BRWD3: variants seen among roughly 807,000 people sequenced by gnomAD.
The protein encoded by BRWD3 is bromodomain and WD repeat domain containing 3.
BRWD3 carries 10 observed loss-of-function variants against 149.7 expected under a neutral mutation model. That is an observed-to-expected ratio of 0.07 (90% CI 0.04 to 0.11). The LOEUF is 0.11. BRWD3 is among the 10% of genes least tolerant of loss of function. The probability of loss-of-function intolerance (pLI) is 1.00; values close to 1 mark genes in which losing one functional copy is unlikely to be tolerated. For synonymous variants in BRWD3, 504 were observed against 456.7 expected (o/e 1.10, Z -1.32); for missense variants, 940 against 1,373.2 (o/e 0.68, Z 4.99).
rs752686686 is a variant in BRWD3, at chrX:80,704,714, T to C, written c.2685A>G (p.Glu895=). ...TCTGCTTAGGTTTCTTCTGCCTTTC[T>C]TCTAGGGACTTCAAATTTTCCTCAT... ...SSDEENLKSL[E]ERQKKPKQTR... is the part of the protein sequence containing the mutation. Residue 895 remains glutamate, a synonymous_variant, in exon 23 of 41, where the codon GAA becomes GAG. Coordinates refer to ENST00000373275, the MANE Select transcript of BRWD3 (RefSeq NM_153252.5). The C allele has an allele frequency of 7.4e-6, 9 of 1,209,966 alleles. No homozygotes were observed. The Admixed American group carries it at 1.3e-4, about 18-fold the overall frequency.
chrX:80,792,938 C>T (rs1017972264), intron 5 of BRWD3, among the ~76,000 whole-genome samples: 16 of 108,870 alleles, frequency 1.5e-4, no homozygotes, highest in African/African-American at 5.0e-4. Context: ...CTGAGGCAGG[C>T]GGATCACGAG....
At chrX:80,771,428 G>T (rs1348034539) in intron 6 of BRWD3, among the ~76,000 whole-genome samples, 7 of 111,371 alleles carry the variant, frequency 6.3e-5, no homozygotes, top group Non-Finnish European at 9.4e-5. Context: ...ACAGAACAGA[G>T]CCCTCAGAAA....
intron 28 of BRWD3, among the ~76,000 whole-genome samples, chrX:80,692,688 G>A (rs1481721192): frequency 1.8e-5 from 2 of 111,856 alleles, no homozygotes; most frequent in East Asian, 2.8e-4. Context: ...AATAGAAAAT[G>A]CAAACAACAA....
intron 21 of BRWD3, among the ~76,000 whole-genome samples, chrX:80,708,223 C>T (rs1359059179): frequency 1.8e-5 from 2 of 109,469 alleles, no homozygotes; most frequent in African/African-American, 6.7e-5. Flanking sequence ...TGGTGAAACC[C>T]TGTCTCTACT....
At chrX:80,806,299 T>C (rs2074347854) in intron 4 of BRWD3, among the ~76,000 whole-genome samples, 1 of 111,751 alleles carries the variant, frequency 8.9e-6, no homozygotes, top group African/African-American at 3.2e-5. Flanking sequence ...ATTGAGTATA[T>C]GTAAGAATTA....
intron 11 of BRWD3, among the ~76,000 whole-genome samples, 192 bp downstream of exon 11, chrX:80,733,926 T>C (rs966912568): frequency 4.5e-5 from 5 of 111,661 alleles, no homozygotes; most frequent in Non-Finnish European, 7.5e-5. Context: ...TGACAATCTA[T>C]AGGTAATCTT....
Position 80,746,831 on chromosome X carries a change from G to A in BRWD3, c.431-1102C>T, listed in dbSNP as rs935003511. On this transcript the variant is annotated intron_variant, in intron 6 of 40. Coordinates refer to ENST00000373275, the MANE Select transcript of BRWD3 (RefSeq NM_153252.5). ...CTTTCAACATCTCACAATTTTAAGA[G>A]CAATGAAGTCTTTCTTTCAGGCAAA... 6.7e-6 allele frequency: 5 copies of A among 746,893 alleles called. No individual in the cohort carries two copies. The African/African-American group carries it at 9.3e-5, about 14-fold the overall frequency. The allele number at this position is 746,893 out of a possible 1,213,427, so 61.6% of individuals were successfully genotyped here. A position where few individuals can be genotyped will look rare whatever the true frequency, so the allele number is the denominator to read the frequency against.
chrX:80,782,012 A>C (rs1372417149), intron 6 of BRWD3, among the ~76,000 whole-genome samples: 1 of 111,901 alleles, frequency 8.9e-6, no homozygotes, highest in African/African-American at 3.2e-5. Context: ...ATAATCCTAA[A>C]ATGTATATGG....
Position 80,684,110 on chromosome X carries a change from G to A in BRWD3, c.4133C>T (p.Thr1378Ile), listed in dbSNP as rs1231432177. Reference protein sequence around the residue: ...TPVDFSTVKETLEAGNYGSPL... With the variant: ...TPVDFSTVKEILEAGNYGSPL... ...ACTACCATAGTTTCCTGCTTCCAAAGTTTCTTTCACAGTGCTGAAGTCCAC... is the reference window on the plus strand; with the variant it reads ...ACTACCATAGTTTCCTGCTTCCAAAATTTCTTTCACAGTGCTGAAGTCCAC... The change falls in exon 37 of 41, where the codon ACT (threonine) becomes ATT (isoleucine). Residue 1378 changes from threonine (T) to isoleucine (I), a missense_variant. Transcript: ENST00000373275. 1 of 1,206,492 alleles carries A rather than the reference G, an allele frequency of 8.3e-7. No individual in the cohort carries two copies. Among genetic ancestry groups the A allele is most frequent in the Non-Finnish European group, 1.1e-6 (1 of 891,177 alleles).
chrX:80,687,117 T>C, intron 34 of BRWD3, 114 bp from the exon 35 acceptor site: 1 of 488,159 alleles, frequency 2.0e-6, no homozygotes, highest in Non-Finnish European at 3.1e-6. Flanking sequence ...TATATATATA[T>C]ATATATGGCA....
At chrX:80,804,562 C>T (rs1337363873) in intron 4 of BRWD3, among the ~76,000 whole-genome samples, 1 of 111,618 alleles carries the variant, frequency 9.0e-6, no homozygotes, top group Non-Finnish European at 1.9e-5. Context: ...TGATACGAGA[C>T]TCCTAAAAAT....
intron 4 of BRWD3, among the ~76,000 whole-genome samples, chrX:80,797,482 A>G (rs997092002): frequency 8.9e-6 from 1 of 111,931 alleles, no homozygotes; most frequent in African/African-American, 3.2e-5. Context: ...TTACCCTCCT[A>G]TAGAAAGAAA....
rs1004105307 is a variant in BRWD3 at position 80,669,827 on chromosome X, G to T, written c.*6782C>A. ...TCACCTAAATTAAAGAATTTAAAAT[G>T]TTTTTATTTCTTCATATATTTACTT... On this transcript the variant is annotated 3_prime_UTR_variant, in exon 41 of 41. Coordinates refer to ENST00000373275, the MANE Select transcript of BRWD3 (RefSeq NM_153252.5). 9.0e-6 allele frequency among the ~76,000 whole-genome samples: 1 copy of T among 111,082 alleles called. No homozygotes were observed. Among genetic ancestry groups the T allele is most frequent in the Non-Finnish European group, 1.9e-5 (1 of 52,983 alleles).
intron 4 of BRWD3, among the ~76,000 whole-genome samples, chrX:80,794,943 T>C (rs2074221706): frequency 9.0e-6 from 1 of 111,292 alleles, no homozygotes; most frequent in Non-Finnish European, 1.9e-5. Flanking sequence ...CCACAACCAA[T>C]AAAGCAAAAC....
At chrX:80,804,661 T>C (rs918163705) in intron 4 of BRWD3, among the ~76,000 whole-genome samples, 1 of 112,249 alleles carries the variant, frequency 8.9e-6, no homozygotes, top group Non-Finnish European at 1.9e-5. Context: ...GAACTGTTCA[T>C]TTAAACACAC....
intron 14 of BRWD3, among the ~76,000 whole-genome samples, chrX:80,725,333 G>T (rs1276340796): frequency 9.0e-6 from 1 of 111,704 alleles, no homozygotes; most frequent in Non-Finnish European, 1.9e-5. Flanking sequence ...TCATTAACCA[G>T]GCCTCTGAAG....
In BRWD3 at chrX:80,715,212, TAAAA is replaced by T. The variant is rs11390755; in HGVS notation, c.2325+941_2325+944del. Among the ~76,000 whole-genome samples, 91 of 98,430 alleles carry T rather than the reference TAAAA, an allele frequency of 9.2e-4. 1 individual carries two copies. The highest frequency in any genetic ancestry group is 3.1e-3 in the African/African-American group (84 of 27,421). 85.5% of individuals were successfully genotyped at this position (98,430 alleles called of 115,157 possible). On this transcript the variant is annotated intron_variant, in intron 20 of 40. Coordinates refer to ENST00000373275, the MANE Select transcript of BRWD3 (RefSeq NM_153252.5). ...GTGTTCTGAGTCATTCAAAATCTCT[TAAAA>T]AAAAAAAAACTTACCAGAGAACAGC...
intron 13 of BRWD3, 40 bp downstream of exon 13, chrX:80,729,876 T>C (rs767838757): frequency 2.7e-5 from 24 of 888,487 alleles, no homozygotes; most frequent in African/African-American, 4.0e-5. Flanking sequence ...ATGTAAAATA[T>C]ATCATGAGAA....
intron 6 of BRWD3, among the ~76,000 whole-genome samples, chrX:80,774,144 C>T (rs1354037071): frequency 1.8e-5 from 2 of 112,040 alleles, no homozygotes; most frequent in African/African-American, 6.5e-5. Context: ...GATATCATTT[C>T]TGATTCCCCC....
Sources: gnomAD v4.1 joint callset for allele counts (sites outside exome capture counted in the v4.1 genomes callset) on GRCh38, gnomAD v4.1.1 for gene constraint, MANE v1.5 for transcripts, NCBI Gene and HGNC (gene_info 2026-07-23, HGNC 2026-07-21) for gene names.